WDR1: variants seen among roughly 807,000 people sequenced by gnomAD.
WDR1 encodes WD repeat-containing protein 1.
A neutral mutation model predicts 71.9 loss-of-function variants in WDR1; 21 were observed. The observed-to-expected ratio is 0.29, with a 90% confidence interval of 0.21 to 0.42. The LOEUF (loss-of-function observed/expected upper bound fraction) is 0.42, where lower values mean the gene tolerates loss of function less well. Ranked by LOEUF, WDR1 falls within the 10% of genes least tolerant of loss-of-function variation. The pLI is 1.00. For missense variants in WDR1, 696 were observed against 824.5 expected (o/e 0.84, Z 1.91); for synonymous variants, 424 against 347.4 (o/e 1.22, Z -2.45).
rs9926 is a variant in WDR1 at position 10,075,236 on chromosome 4, G to A, written c.*142C>T. 129,750 of 671,376 alleles carry A rather than the reference G, an allele frequency of 0.19. 13,788 individuals carry two copies. The highest frequency in any genetic ancestry group is 0.24 in the Middle Eastern group (623 of 2,626). The allele number at this position is 671,376 out of a possible 1,614,324, so 41.6% of individuals were successfully genotyped here. A position where few individuals can be genotyped will look rare whatever the true frequency, so the allele number is the denominator to read the frequency against. On this transcript the variant is annotated 3_prime_UTR_variant, in exon 15 of 15. Transcript: ENST00000499869. ...ACGTGTACAGACACCCTGCAGAGAC[G>A]AGGGTCATGACTGGGCCCTCCTGCC... is the stretch of plus-strand genomic sequence containing the variant.
At chr4:10,101,401 C>A (rs1485276673) in intron 3 of WDR1, among the ~76,000 whole-genome samples, 4 of 152,334 alleles carry the variant, frequency 2.6e-5, no homozygotes, top group African/African-American at 7.2e-5. Context: ...CTCCAAACCA[C>A]CCCCCTACCA....
intron 4 of WDR1, among the ~76,000 whole-genome samples, chr4:10,098,247 G>A (rs901429709): frequency 6.6e-6 from 1 of 152,236 alleles, no homozygotes; most frequent in Admixed American, 6.5e-5. Context: ...GGAATGAGAT[G>A]CCCTGCTCTT....
chr4:10,110,855 T>C (rs980012083), intron 2 of WDR1, among the ~76,000 whole-genome samples: 13 of 152,228 alleles, frequency 8.5e-5, no homozygotes, highest in African/African-American at 3.1e-4. Flanking sequence ...GGCACAAAAA[T>C]GTCTGCAAAC....
chr4:10,115,799 C>T (rs755043576), intron 2 of WDR1: 5 of 253,360 alleles, frequency 2.0e-5, no homozygotes, highest in Non-Finnish European at 3.1e-5. Context: ...ATCTAATCTC[C>T]CATCCACGTA....
Position 10,116,713 on chromosome 4 carries a change from C to T in WDR1, c.-47G>A. The stretch of plus-strand genomic sequence containing the variant: ...CCGCGCTCGCCGAGAGCCTCCGGGG[C>T]CGGCCCGCGCTGCGAATTACACCTC... On this transcript the variant is annotated 5_prime_UTR_variant, in exon 1 of 15. Transcript: ENST00000499869. 2 of 1,320,412 alleles carry T rather than the reference C, an allele frequency of 1.5e-6. No individual in the cohort carries two copies. Among genetic ancestry groups the T allele is most frequent in the Non-Finnish European group, 1.9e-6 (2 of 1,031,818 alleles). The allele number at this position is 1,320,412 out of a possible 1,614,324, so 81.8% of individuals were successfully genotyped here.
rs1057062807 is a variant in WDR1 at position 10,075,291 on chromosome 4, C to T, written c.*87G>A. 1.8e-5 allele frequency: 22 copies of T among 1,239,056 alleles called. No individual in the cohort carries two copies. The highest frequency in any genetic ancestry group is 1.0e-4 in the African/African-American group (7 of 67,514). The allele number at this position is 1,239,056 out of a possible 1,614,324, so 76.8% of individuals were successfully genotyped here. A position where few individuals can be genotyped will look rare whatever the true frequency, so the allele number is the denominator to read the frequency against. Reference sequence around the variant, plus strand: ...GTGGTGGGGTGGGGGCATGGGGGCGCGTCACAGAAATAGAGAAATGACATG... The same window carrying T: ...GTGGTGGGGTGGGGGCATGGGGGCGTGTCACAGAAATAGAGAAATGACATG... On this transcript the variant is annotated 3_prime_UTR_variant, in exon 15 of 15. Transcript: ENST00000499869.
chr4:10,114,675 C>A (rs776226735), intron 2 of WDR1, among the ~76,000 whole-genome samples: 21 of 152,332 alleles, frequency 1.4e-4, no homozygotes, highest in Non-Finnish European at 2.4e-4. Context: ...TTCTCAAAAG[C>A]CTCAGGACCT....
chr4:10,113,621 AAAGC>A (rs1444859489), intron 2 of WDR1, among the ~76,000 whole-genome samples: 1 of 152,224 alleles, frequency 6.6e-6, no homozygotes, highest in Non-Finnish European at 1.5e-5. Context: ...AACAAGGGTG[AAAGC>A]AAGGAGACCT....
chr4:10,104,869 C>A (rs909360700), intron 2 of WDR1, among the ~76,000 whole-genome samples: 2 of 152,198 alleles, frequency 1.3e-5, no homozygotes, highest in Non-Finnish European at 2.9e-5. Flanking sequence ...AGGCTTAGGA[C>A]ACACCAGACT....
intron 2 of WDR1, among the ~76,000 whole-genome samples, chr4:10,111,705 C>T (rs1175182504): frequency 1.3e-5 from 2 of 152,126 alleles, no homozygotes; most frequent in African/African-American, 4.8e-5. Flanking sequence ...GCCACCATTA[C>T]CCCCAACCCG....
At chr4:10,103,095 A>G (rs1273493097) in intron 3 of WDR1, among the ~76,000 whole-genome samples, 1 of 151,828 alleles carries the variant, frequency 6.6e-6, no homozygotes, top group Non-Finnish European at 1.5e-5. Context: ...AGATCTCTCC[A>G]CCCCTGCCTC....
chr4:10,096,694 CATG>C (rs1457862440), intron 5 of WDR1: 1 of 152,238 alleles, frequency 6.6e-6, no homozygotes, highest in Non-Finnish European at 1.5e-5. Context: ...TGATTCATGG[CATG>C]ATGTCACTAA....
chr4:10,105,512 A>G (rs937000676), intron 2 of WDR1, among the ~76,000 whole-genome samples: 1 of 152,258 alleles, frequency 6.6e-6, no homozygotes, highest in East Asian at 1.9e-4. Context: ...AAGTAAGCAC[A>G]TGAAAAAGCG....
At chr4:10,081,055 G>A (rs796838006) in intron 11 of WDR1, among the ~76,000 whole-genome samples, 32 of 152,192 alleles carry the variant, frequency 2.1e-4, no homozygotes, top group African/African-American at 7.7e-4. Context: ...GTATCTCATA[G>A]ACTTTACAGG....
At chr4:10,087,126 A>T (rs1455511886) in intron 8 of WDR1, among the ~76,000 whole-genome samples, 1 of 152,186 alleles carries the variant, frequency 6.6e-6, no homozygotes, top group African/African-American at 2.4e-5. Flanking sequence ...GGGCCTTCAC[A>T]CCTGGGACCC....
intron 2 of WDR1, among the ~76,000 whole-genome samples, chr4:10,104,719 C>T (rs542195705): frequency 6.7e-4 from 102 of 152,336 alleles, no homozygotes; most frequent in African/African-American, 2.4e-3. Flanking sequence ...CACACACACA[C>T]TGGGCTGCTC....
At chr4:10,091,044 G>A (rs1711944279) in intron 5 of WDR1, among the ~76,000 whole-genome samples, 1 of 152,204 alleles carries the variant, frequency 6.6e-6, no homozygotes, top group Non-Finnish European at 1.5e-5. Context: ...CCCTTTGCCT[G>A]CCCCCCGCAC....
intron 8 of WDR1, among the ~76,000 whole-genome samples, chr4:10,085,125 C>G (rs532384057): frequency 2.0e-5 from 3 of 152,360 alleles, no homozygotes; most frequent in African/African-American, 7.2e-5. Flanking sequence ...AACCAGACAG[C>G]TGCTTCCAGA....
At chr4:10,094,528 C>T (rs1408381785) in intron 5 of WDR1, among the ~76,000 whole-genome samples, 33 of 152,162 alleles carry the variant, frequency 2.2e-4, no homozygotes, top group Non-Finnish European at 2.5e-4. Flanking sequence ...GTCTCGCCAC[C>T]CTCCCTTTTT....
Sources: gnomAD v4.1 joint callset for allele counts (sites outside exome capture counted in the v4.1 genomes callset) on GRCh38, gnomAD v4.1.1 for gene constraint, MANE v1.5 for transcripts, NCBI Gene and HGNC (gene_info 2026-07-23, HGNC 2026-07-21) for gene names.